NFIB: variants seen among roughly 807,000 people sequenced by gnomAD.
The protein encoded by NFIB is nuclear factor I B, also known as nuclear factor 1 B-type.
In NFIB, 11 loss-of-function variants were observed where a neutral mutation model predicts 61.5. The ratio of observed to expected loss-of-function variants is 0.18; its 90% confidence interval spans 0.11 to 0.30. The LOEUF is 0.30. Ranked by LOEUF, NFIB falls within the 10% of genes least tolerant of loss-of-function variation. The pLI, the probability that NFIB is intolerant of heterozygous loss-of-function variation, is 1.00. For synonymous variants in NFIB, 260 were observed against 216.5 expected (o/e 1.20, Z -1.76); for missense variants, 471 against 608.9 (o/e 0.77, Z 2.38).
the NFIB span, among the ~76,000 whole-genome samples, chr9:14,472,578 C>T: frequency 1.3e-5 from 2 of 152,194 alleles, no homozygotes; most frequent in African/African-American, 4.8e-5. Context: ...ATTGGTCTCA[C>T]GCCTGTAATC....
intron 4 of NFIB, among the ~76,000 whole-genome samples, chr9:14,154,364 C>T (rs571367101): frequency 6.6e-6 from 1 of 152,182 alleles, no homozygotes; most frequent in East Asian, 1.9e-4. Flanking sequence ...GCACCATAAG[C>T]CTTTCCGCTA....
chr9:14,167,082 T>G (rs150868621), intron 3 of NFIB, among the ~76,000 whole-genome samples: 1 of 27,428 alleles, frequency 3.6e-5, no homozygotes, highest in Non-Finnish European at 7.0e-5. Flanking sequence ...TGTGTGTGTG[T>G]CGGGGGGGGG....
chr9:14,170,652 G>A (rs2045467770), intron 3 of NFIB, among the ~76,000 whole-genome samples: 2 of 152,022 alleles, frequency 1.3e-5, no homozygotes, highest in African/African-American at 2.4e-5. Context: ...GGGAGAGGGG[G>A]AGTTACATGA....
At chr9:14,454,017 C>T in the NFIB span, among the ~76,000 whole-genome samples, 11 of 151,816 alleles carry the variant, frequency 7.2e-5, no homozygotes, top group Non-Finnish European at 1.0e-4. Flanking sequence ...GGCAATGAGC[C>T]GAGATCGCGC....
chr9:14,343,889 A>C (rs1374536634), intron 1 of NFIB, among the ~76,000 whole-genome samples: 1 of 152,084 alleles, frequency 6.6e-6, no homozygotes, highest in East Asian at 1.9e-4. Flanking sequence ...CTGAACATGA[A>C]GAATGGTTAA....
chr9:14,152,535 G>T (rs1234553479), intron 4 of NFIB, among the ~76,000 whole-genome samples: 1 of 151,992 alleles, frequency 6.6e-6, no homozygotes, highest in African/African-American at 2.4e-5. Flanking sequence ...TCATAGACCT[G>T]AGTTATTAAC....
chr9:14,204,390 A>G, intron 2 of NFIB: 1 of 1,096,198 alleles, frequency 9.1e-7, no homozygotes, highest in Non-Finnish European at 1.4e-6. Context: ...ATCCAGCCCA[A>G]AAGAGACCTC....
intron 2 of NFIB, among the ~76,000 whole-genome samples, chr9:14,238,228 G>A (rs1185841071): frequency 6.6e-6 from 1 of 152,060 alleles, no homozygotes; most frequent in Non-Finnish European, 1.5e-5. Context: ...AGGCTCAGCT[G>A]TACTGGAGGG....
intron 1 of NFIB, among the ~76,000 whole-genome samples, chr9:14,394,795 T>C (rs983935204): frequency 7.9e-5 from 12 of 152,150 alleles, no homozygotes; most frequent in Admixed American, 5.2e-4. Context: ...CATAAACAAG[T>C]TACTGAACTG....
At chr9:14,130,538 AT>A (rs1281460079) in intron 6 of NFIB, among the ~76,000 whole-genome samples, 6 of 152,042 alleles carry the variant, frequency 3.9e-5, no homozygotes, top group Non-Finnish European at 8.8e-5. Flanking sequence ...TGCTTGATGA[AT>A]TTTTCATTGT....
chr9:14,198,883 T>C (rs749811483), intron 2 of NFIB, among the ~76,000 whole-genome samples: 2 of 152,156 alleles, frequency 1.3e-5, no homozygotes, highest in Admixed American at 6.5e-5. Flanking sequence ...CTTTTCTCCC[T>C]CTCCCTGCCA....
At chr9:14,172,944 A>G (rs2045736088) in intron 3 of NFIB, among the ~76,000 whole-genome samples, 1 of 151,956 alleles carries the variant, frequency 6.6e-6, no homozygotes, top group Admixed American at 6.6e-5. Flanking sequence ...TAATTTTTGT[A>G]TTTTTAGTAG....
At chr9:14,442,544 G>A in the NFIB span, among the ~76,000 whole-genome samples, 1 of 152,116 alleles carries the variant, frequency 6.6e-6, no homozygotes, top group African/African-American at 2.4e-5. Flanking sequence ...AGCAGGGCTG[G>A]TTCCTTCTGA....
At chr9:14,187,959 A>G (rs145697276) in intron 2 of NFIB, among the ~76,000 whole-genome samples, 194 of 152,202 alleles carry the variant, frequency 1.3e-3, no homozygotes, top group African/African-American at 4.3e-3. Context: ...CCCCACAACA[A>G]TGGGAAGCTA....
At chr9:14,387,776 A>G (rs2061565999) in intron 1 of NFIB, among the ~76,000 whole-genome samples, 2 of 152,206 alleles carry the variant, frequency 1.3e-5, no homozygotes, top group East Asian at 3.8e-4. Context: ...TGCTTACTCT[A>G]CGACACAGGA....
At chr9:14,410,548 G>A in the NFIB span, among the ~76,000 whole-genome samples, 1 of 152,108 alleles carries the variant, frequency 6.6e-6, no homozygotes, top group Admixed American at 6.6e-5. Context: ...AAAATAAAAG[G>A]GAAATGAAAA....
At chr9:14,491,025 A>T in the NFIB span, among the ~76,000 whole-genome samples, 4 of 152,216 alleles carry the variant, frequency 2.6e-5, no homozygotes, top group African/African-American at 9.6e-5. Flanking sequence ...ATTGAATGGA[A>T]CACTATGTAG....
chr9:14,509,263 G>A, the NFIB span, among the ~76,000 whole-genome samples: 1 of 152,094 alleles, frequency 6.6e-6, no homozygotes, highest in Admixed American at 6.5e-5. Flanking sequence ...CTAATTAATT[G>A]GAAGTTTAGG....
the NFIB span, among the ~76,000 whole-genome samples, chr9:14,472,572 G>C: frequency 6.6e-6 from 1 of 152,100 alleles, no homozygotes; most frequent in South Asian, 2.1e-4. Flanking sequence ...AAAAGGATTG[G>C]TCTCACGCCT....
Sources: allele counts gnomAD v4.1 joint callset (sites outside exome capture counted in the v4.1 genomes callset), GRCh38; gene constraint gnomAD v4.1.1; transcripts MANE v1.5; gene names NCBI Gene and HGNC (gene_info 2026-07-23, HGNC 2026-07-21).